The following NRP2 variants were observed in gnomAD, a reference collection of about 807,000 sequenced individuals.
NRP2 encodes the protein neuropilin-2.
NRP2 carries 52 observed loss-of-function variants against 110.4 expected under a neutral mutation model. The ratio of observed to expected loss-of-function variants is 0.47; its 90% CI spans 0.38 to 0.59. NRP2 has a LOEUF of 0.59. Among genes scored for constraint, NRP2 ranks in the 20% least tolerant of loss-of-function variants. NRP2 has a pLI of 0.00. For synonymous variants in NRP2, 508 were observed against 468.9 expected (o/e 1.08, Z -1.08); for missense variants, 1,049 against 1,203.0 (o/e 0.87, Z 1.89).
At position 205,763,744 on chromosome 2, in the gene NRP2, C is replaced by T. The variant is rs200676288; in HGVS notation, c.2115C>T (p.Pro705=). 3.7e-6 allele frequency: 6 copies of T among 1,614,240 alleles called. No individual in the cohort carries two copies. The Admixed American group carries it at 5.0e-5, about 13-fold the overall frequency. Reference sequence around the variant, plus strand: ...GCCAGTATGCCCGGCTCATCAGCCCCCCTGTCCACCTGCCCCGAAGCCCGG... The same window carrying T: ...GCCAGTATGCCCGGCTCATCAGCCCTCCTGTCCACCTGCCCCGAAGCCCGG... ...REGQYARLIS[P]PVHLPRSPVC... The change falls in exon 13 of 17, where the codon CCC becomes CCT. Residue 705 remains proline, a synonymous_variant. Transcript: ENST00000357785. This position sits in a 1 kb window ranked among gnomAD's most constrained non-coding sequence, Gnocchi z 4.0.
In NRP2 at chr2:205,764,677, G is replaced by A. The variant is rs186885920; in HGVS notation, c.2307+741G>A. ...TGTGCTAGTTTGCAGAGAGGAACCT[G>A]GGGAGGGCGAGCATGAGAAATGACT... On this transcript the variant is annotated intron_variant, in intron 13 of 16. Coordinates refer to ENST00000357785, the MANE Select transcript of NRP2 (RefSeq NM_003872.3). 1.5e-3 allele frequency among the ~76,000 whole-genome samples: 227 copies of A among 152,318 alleles called. 1 individual carries two copies. The highest frequency in any genetic ancestry group is 5.3e-3 in the African/African-American group (219 of 41,562).
intron 9 of NRP2, among the ~76,000 whole-genome samples, chr2:205,744,270 A>C (rs895615871): frequency 6.6e-6 from 1 of 152,210 alleles, no homozygotes; most frequent in Non-Finnish European, 1.5e-5. Flanking sequence ...TCTTTCAGAT[A>C]AAGTTTCCTT....
chr2:205,693,989 A>T (rs1158444698), intron 1 of NRP2, among the ~76,000 whole-genome samples: 2 of 152,210 alleles, frequency 1.3e-5, no homozygotes, highest in Admixed American at 6.5e-5. Context: ...GGCAGACCAG[A>T]TTTTTAAAAG....
In NRP2 at chr2:205,765,459, T is replaced by G. The variant is rs762339759; in HGVS notation, c.2308-15T>G. On this transcript the variant is annotated splice_polypyrimidine_tract_variant and intron_variant, in intron 13 of 16. Transcript: ENST00000357785. ...AGACTCAGTTAACCATGGCTCTTAT[T>G]CTTCCGGCTTCTAGATTGTGTTCGA... is the stretch of plus-strand genomic sequence containing the variant. The G allele has an allele frequency of 3.4e-5, 54 of 1,611,430 alleles. No individual in the cohort carries two copies. The highest frequency in any genetic ancestry group is 6.7e-5 in the Admixed American group (4 of 59,992).
chr2:205,756,937 G>T (rs1311903889), intron 12 of NRP2: 1 of 152,178 alleles, frequency 6.6e-6, no homozygotes, highest in African/African-American at 2.4e-5. Flanking sequence ...ACTAAGTAAG[G>T]TCAATAATCA....
At chr2:205,782,479 A>G (rs896493781) in intron 15 of NRP2, among the ~76,000 whole-genome samples, 2 of 152,224 alleles carry the variant, frequency 1.3e-5, no homozygotes, top group Non-Finnish European at 2.9e-5. Context: ...GCAATAATAC[A>G]GAAAAAGCCA....
intron 2 of NRP2, among the ~76,000 whole-genome samples, chr2:205,711,016 T>C (rs2056787362): frequency 6.6e-6 from 1 of 152,224 alleles, no homozygotes; most frequent in Non-Finnish European, 1.5e-5. Context: ...ATATTTCATG[T>C]TTTTGAGTCA....
At chr2:205,724,019 T>C in intron 5 of NRP2, 79 bp downstream of exon 5, 2 of 1,518,208 alleles carry the variant, frequency 1.3e-6, no homozygotes, top group Non-Finnish European at 1.8e-6. Context: ...GGGGCTGAGC[T>C]CTTATGAGGG....
chr2:205,743,740 T>TTG, intron 9 of NRP2, 188 bp downstream of exon 9: 2 of 978,788 alleles, frequency 2.0e-6, no homozygotes, highest in Non-Finnish European at 2.9e-6. Context: ...TTTCTGACTC[T>TTG]TTTGTTTGTT....
At chr2:205,764,024 GCTA>G (rs2057869371) in intron 13 of NRP2, 88 bp downstream of exon 13, 1 of 1,520,076 alleles carries the variant, frequency 6.6e-7, no homozygotes, top group Non-Finnish European at 9.0e-7. Flanking sequence ...GTGGTTAAGC[GCTA>G]CTGTTTTCAT....
At chr2:205,778,932 T>A (rs2058141004) in intron 15 of NRP2, 1 of 152,176 alleles carries the variant, frequency 6.6e-6, no homozygotes. Flanking sequence ...CCCCAGCAAT[T>A]TTCATAGTGT....
chr2:205,779,791 G>C (rs1248975895), intron 15 of NRP2: 1 of 152,198 alleles, frequency 6.6e-6, no homozygotes, highest in Non-Finnish European at 1.5e-5. Flanking sequence ...TGCTTCCAAA[G>C]TTTACACATC....
At chr2:205,744,216 T>TA (rs1235600343) in intron 9 of NRP2, among the ~76,000 whole-genome samples, 1 of 152,172 alleles carries the variant, frequency 6.6e-6, no homozygotes, top group Admixed American at 6.5e-5. Flanking sequence ...GCCTAACCCC[T>TA]ACTGAACACT....
intron 2 of NRP2, among the ~76,000 whole-genome samples, chr2:205,699,081 G>A (rs529517875): frequency 2.6e-5 from 4 of 152,306 alleles, no homozygotes; most frequent in Admixed American, 6.5e-5. Flanking sequence ...AGGGTTTCCC[G>A]GATGAATGCC....
At chr2:205,738,208 C>T (rs768842089) in intron 7 of NRP2, among the ~76,000 whole-genome samples, 24 of 152,170 alleles carry the variant, frequency 1.6e-4, no homozygotes, top group Non-Finnish European at 2.5e-4. Context: ...TATGCATTCA[C>T]GTGACAAGTA....
chr2:205,708,513 G>T (rs959319332), intron 2 of NRP2, among the ~76,000 whole-genome samples: 2 of 152,168 alleles, frequency 1.3e-5, no homozygotes, highest in Non-Finnish European at 2.9e-5. Context: ...TATCAGATGC[G>T]TTGTCTGGAG....
At position 205,795,219 on chromosome 2, in the gene NRP2, G is replaced by A; in HGVS notation, c.*161G>A. On this transcript the variant is annotated 3_prime_UTR_variant, in exon 17 of 17. Coordinates refer to ENST00000357785, the MANE Select transcript of NRP2 (RefSeq NM_003872.3). Reference sequence around the variant, plus strand: ...ACAGAAAAGCGAGTCGCAGGAGGAAGGGAGATGCAGCCGCACAGGGGATGA... The same window carrying A: ...ACAGAAAAGCGAGTCGCAGGAGGAAAGGAGATGCAGCCGCACAGGGGATGA... 3 of 783,496 alleles carry A rather than the reference G, an allele frequency of 3.8e-6. No individual in the cohort carries two copies. In the South Asian group the frequency reaches 4.7e-5, roughly 12 times the overall value. The allele number at this position is 783,496 out of a possible 1,614,324, so 48.5% of individuals were successfully genotyped here.
At chr2:205,762,026 G>T (rs2057830739) in intron 12 of NRP2, 1 of 152,100 alleles carries the variant, frequency 6.6e-6, no homozygotes. Flanking sequence ...GATCTTTGAG[G>T]GTCTGATTTG....
rs768729063 is a variant in NRP2 at position 205,749,740 on chromosome 2, T to C, written c.1802T>C (p.Val601Ala). The change falls in exon 11 of 17, where the codon GTA becomes GCA. Residue 601 changes from valine (V) to alanine (A), a missense_variant. Val to Ala is a moderately conservative substitution (Grantham distance 64, BLOSUM62 0). Transcript: ENST00000357785. ...GCDWTDSKPTVETLGPTVKSE... is the reference protein window; with the variant it reads ...GCDWTDSKPTAETLGPTVKSE... The stretch of plus-strand genomic sequence containing the variant: ...CCTTACACAGACTCCAAGCCCACGG[T>C]AGAGACGCTGGGACCCACTGTGAAG... 1.2e-6 allele frequency: 2 copies of C among 1,614,080 alleles called. No homozygotes were observed. Among genetic ancestry groups the C allele is most frequent in the Non-Finnish European group, 1.7e-6 (2 of 1,179,952 alleles).
Sources: allele counts gnomAD v4.1 joint callset (sites outside exome capture counted in the v4.1 genomes callset), GRCh38; gene constraint gnomAD v4.1.1; non-coding constraint Gnocchi (gnomAD v3.1); transcripts MANE v1.5; gene names NCBI Gene and HGNC (gene_info 2026-07-23, HGNC 2026-07-21).